The following TMEM135 variants were observed in gnomAD, a reference collection of about 807,000 sequenced individuals.
TMEM135 encodes the protein transmembrane protein 135, also known as peroxisomal membrane protein 52.
In TMEM135, 30 loss-of-function variants were observed where a neutral mutation model predicts 60.3. The ratio of observed to expected loss-of-function variants is 0.50; its 90% CI spans 0.37 to 0.68. The LOEUF (loss-of-function observed/expected upper bound fraction) is 0.68. TMEM135 is among the 30% of genes least tolerant of loss of function. The probability of loss-of-function intolerance (pLI) is 0.00; values close to 1 mark genes in which losing one functional copy is unlikely to be tolerated. For synonymous variants in TMEM135, 190 were observed against 186.7 expected, an observed-to-expected ratio of 1.02 and a Z score of -0.14; for missense variants, 468 against 548.8, an observed-to-expected ratio of 0.85 and a Z score of 1.47.
intron 6 of TMEM135, among the ~76,000 whole-genome samples, chr11:87,291,700 G>A (rs1039540144): frequency 2.0e-5 from 3 of 151,286 alleles, no homozygotes; most frequent in Non-Finnish European, 4.4e-5. Flanking sequence ...CTGTCACCAC[G>A]CCCGGCTAAT....
intron 5 of TMEM135, among the ~76,000 whole-genome samples, chr11:87,232,508 A>G (rs1196704915): frequency 2.6e-5 from 4 of 152,140 alleles, no homozygotes; most frequent in Admixed American, 2.6e-4. Context: ...AAGACAATGG[A>G]GTGACATTTG....
At chr11:87,136,391 A>G (rs1938101332) in intron 4 of TMEM135, among the ~76,000 whole-genome samples, 1 of 151,966 alleles carries the variant, frequency 6.6e-6, no homozygotes, top group Non-Finnish European at 1.5e-5. Flanking sequence ...ATATTGTTGG[A>G]TTCAGTGTGC....
intron 1 of TMEM135, among the ~76,000 whole-genome samples, chr11:87,063,586 A>C (rs1016314175): frequency 2.6e-5 from 4 of 152,224 alleles, no homozygotes; most frequent in African/African-American, 9.6e-5. Flanking sequence ...TTTACATAGA[A>C]AATGATAAAA....
At chr11:87,282,777 A>G (rs301583) in intron 6 of TMEM135, among the ~76,000 whole-genome samples, 78,699 of 152,028 alleles carry the variant, frequency 0.52, 20,561 homozygotes, top group African/African-American at 0.54. Context: ...TGTATTTACA[A>G]TTTGATCACT....
At chr11:87,078,450 G>A (rs771205014) in intron 3 of TMEM135, among the ~76,000 whole-genome samples, 4 of 151,904 alleles carry the variant, frequency 2.6e-5, no homozygotes, top group Non-Finnish European at 4.4e-5. Context: ...GAGTTGTAAG[G>A]GTTCTTTAGA....
intron 6 of TMEM135, among the ~76,000 whole-genome samples, chr11:87,239,724 T>C (rs952138138): frequency 6.9e-6 from 1 of 145,950 alleles, no homozygotes; most frequent in African/African-American, 2.6e-5. Context: ...AAATGAGGCC[T>C]GCTTTCAATA....
chr11:87,253,618 C>G (rs1941463807), intron 6 of TMEM135, among the ~76,000 whole-genome samples: 1 of 30,314 alleles, frequency 3.3e-5, no homozygotes, highest in African/African-American at 1.3e-4. Context: ...GTTGTTTGAA[C>G]TTAAAGGATG....
intron 5 of TMEM135, among the ~76,000 whole-genome samples, chr11:87,166,145 C>T (rs1939038166): frequency 1.3e-5 from 2 of 151,644 alleles, no homozygotes; most frequent in South Asian, 2.1e-4. Context: ...CTGTTCATGT[C>T]CTTTGGCCAC....
intron 6 of TMEM135, among the ~76,000 whole-genome samples, chr11:87,263,190 A>C (rs1941687259): frequency 6.6e-6 from 1 of 152,200 alleles, no homozygotes. Context: ...ATTTTTGAGC[A>C]ATCAATGTGC....
chr11:87,159,617 A>ACACACACCCC (rs140303858), intron 5 of TMEM135, among the ~76,000 whole-genome samples: 3 of 149,456 alleles, frequency 2.0e-5, no homozygotes, highest in East Asian at 2.0e-4. Flanking sequence ...ACACACACAC[A>ACACACACCCC]CCATAGATTT....
intron 6 of TMEM135, among the ~76,000 whole-genome samples, chr11:87,274,473 A>G (rs1941930742): frequency 6.6e-6 from 1 of 152,158 alleles, no homozygotes; most frequent in Admixed American, 6.6e-5. Context: ...CTACTAGTAC[A>G]TTCCTCCTTT....
chr11:87,239,406 A>C (rs986761211), intron 6 of TMEM135, among the ~76,000 whole-genome samples: 1 of 152,076 alleles, frequency 6.6e-6, no homozygotes. Context: ...ATTTGTCTGT[A>C]TGCTAGCTTG....
Position 87,309,609 on chromosome 11 carries a change from C to T in TMEM135, c.873C>T (p.Leu291=). 1 of 1,613,910 alleles carries T rather than the reference C, an allele frequency of 6.2e-7. No individual in the cohort carries two copies. The highest frequency in any genetic ancestry group is 8.5e-7 in the Non-Finnish European group (1 of 1,179,836). ...LFTQPSRLLS[L]FYNKENFQLG... ...CACAGCCATCTCGGCTACTTTCTCT[C>T]TTCTACAATAAAGAAAACTTCCAGC... Residue 291 remains leucine (L), a synonymous_variant, in exon 10 of 15, where the codon CTC becomes CTT. Transcript: ENST00000305494.
rs1199951760 is a variant in TMEM135, at chr11:87,321,732, A to AT, written c.*402dup. ...ATTAGGATTATTTCTACATTTTAGG[A>AT]TTTACAAAGGATCACGGGTACATGG... On this transcript the variant is annotated 3_prime_UTR_variant, in exon 15 of 15. Transcript: ENST00000305494. 2.2e-6 allele frequency: 1 copy of AT among 456,800 alleles called. No individual in the cohort carries two copies. The highest frequency in any genetic ancestry group is 6.9e-5 in the East Asian group (1 of 14,492). 28.3% of individuals were successfully genotyped at this position (456,800 alleles called of 1,614,324 possible). A position where few individuals can be genotyped will look rare whatever the true frequency, so the allele number is the denominator to read the frequency against.
intron 4 of TMEM135, among the ~76,000 whole-genome samples, chr11:87,133,631 C>A (rs1007154401): frequency 2.6e-5 from 4 of 152,132 alleles, no homozygotes; most frequent in African/African-American, 9.7e-5. Flanking sequence ...TGTTACCACA[C>A]TCAAGGTAGT....
intron 12 of TMEM135, among the ~76,000 whole-genome samples, chr11:87,316,364 G>T (rs1942729325): frequency 6.6e-6 from 1 of 151,546 alleles, no homozygotes; most frequent in Admixed American, 6.6e-5. Context: ...AGGACAGGCA[G>T]GAGCCAGACC....
At chr11:87,091,739 A>G (rs2135169117) in intron 4 of TMEM135, among the ~76,000 whole-genome samples, 1 of 152,040 alleles carries the variant, frequency 6.6e-6, no homozygotes, top group African/African-American at 2.4e-5. Context: ...CTCTGTTGTG[A>G]TTTCTTATGG....
intron 1 of TMEM135, among the ~76,000 whole-genome samples, chr11:87,052,858 T>A (rs1437844223): frequency 2.2e-5 from 2 of 89,680 alleles, no homozygotes; most frequent in Non-Finnish European, 4.3e-5. Context: ...TAAAGACACA[T>A]GCACACGTAT....
At chr11:87,128,035 A>C (rs551677348) in intron 4 of TMEM135, among the ~76,000 whole-genome samples, 2 of 152,174 alleles carry the variant, frequency 1.3e-5, no homozygotes, top group African/African-American at 4.8e-5. Flanking sequence ...TTGATCTAGA[A>C]TCTTACTTTG....
Sources: allele counts gnomAD v4.1 joint callset (sites outside exome capture counted in the v4.1 genomes callset), GRCh38; gene constraint gnomAD v4.1.1; transcripts MANE v1.5; gene names NCBI Gene and HGNC (gene_info 2026-07-23, HGNC 2026-07-21).